The following TAF2 variants were observed in gnomAD, a reference collection of about 807,000 sequenced individuals.
The protein encoded by TAF2 is transcription initiation factor TFIID subunit 2.
In TAF2, 61 loss-of-function variants were observed where a neutral mutation model predicts 138.5. That is an observed-to-expected ratio of 0.44 (90% CI 0.36 to 0.54). The LOEUF is 0.54. TAF2 is among the 20% of genes least tolerant of loss of function. The pLI is 0.00. For missense variants in TAF2, 1,090 were observed against 1,427.9 expected (o/e 0.76, Z 3.81); for synonymous variants, 475 against 469.9 (o/e 1.01, Z -0.14).
intron 3 of TAF2, among the ~76,000 whole-genome samples, chr8:119,809,329 G>T (rs970369479): frequency 6.6e-6 from 1 of 152,188 alleles, no homozygotes; most frequent in African/African-American, 2.4e-5. Flanking sequence ...GAACTGAAGA[G>T]AGTTAAGCCT....
intron 7 of TAF2, among the ~76,000 whole-genome samples, chr8:119,797,423 G>A (rs1397786503): frequency 6.6e-6 from 1 of 151,554 alleles, no homozygotes; most frequent in African/African-American, 2.4e-5. Context: ...ACTAAAACAG[G>A]GAAAATACTA....
In TAF2 at chr8:119,825,679, T is replaced by G. The variant is rs561649997; in HGVS notation, c.138+5998A>C. On this transcript the variant is annotated intron_variant, in intron 2 of 25. Transcript: ENST00000378164. The stretch of plus-strand genomic sequence containing the variant: ...ATAGTCTCACGAGACCTGACGGTTT[T>G]TTTGTTTGTTTGTTTGTTTTTATGA... Among the ~76,000 whole-genome samples, 3 of 152,088 alleles carry G rather than the reference T, an allele frequency of 2.0e-5. No individual in the cohort carries two copies. The East Asian group carries it at 5.8e-4, about 30-fold the overall frequency.
At chr8:119,742,433 T>C (rs1310667826) in intron 25 of TAF2, 101 bp downstream of exon 25, 13 of 1,461,532 alleles carry the variant, frequency 8.9e-6, no homozygotes, top group Non-Finnish European at 1.2e-5. Context: ...TCCTAAGATC[T>C]GTATTTTTAA....
intron 25 of TAF2, among the ~76,000 whole-genome samples, chr8:119,740,180 A>G (rs1370348332): frequency 6.6e-6 from 1 of 152,074 alleles, no homozygotes; most frequent in African/African-American, 2.4e-5. Context: ...TTCACTGCCA[A>G]TTTGACTTGA....
At chr8:119,803,727 G>A in intron 5 of TAF2, 151 bp downstream of exon 5, 1 of 814,024 alleles carries the variant, frequency 1.2e-6, no homozygotes, top group Non-Finnish European at 1.8e-6. Context: ...TTTTTTAAGA[G>A]GAATGACTAA....
intron 25 of TAF2, among the ~76,000 whole-genome samples, chr8:119,735,960 C>T (rs1304244903): frequency 2.6e-5 from 4 of 152,156 alleles, no homozygotes; most frequent in African/African-American, 9.7e-5. Context: ...GACTTTGCAG[C>T]TTTCTTGTTG....
At chr8:119,795,749 AATT>A in intron 8 of TAF2, 118 bp from the exon 9 acceptor site, 1 of 949,276 alleles carries the variant, frequency 1.1e-6, no homozygotes, top group Non-Finnish European at 1.6e-6. Context: ...AGAAAATGAA[AATT>A]ATTAACAAAT....
chr8:119,747,731 A>G (rs1213041614), intron 22 of TAF2, among the ~76,000 whole-genome samples: 1 of 152,238 alleles, frequency 6.6e-6, no homozygotes, highest in South Asian at 2.1e-4. Context: ...TTTGTCAGCT[A>G]GGGTTACACA....
At chr8:119,767,960 G>C (rs1563849634) in intron 18 of TAF2, among the ~76,000 whole-genome samples, 1 of 152,112 alleles carries the variant, frequency 6.6e-6, no homozygotes, top group Non-Finnish European at 1.5e-5. Flanking sequence ...GGGAGAGAGG[G>C]GGAGGCTGAG....
chr8:119,755,541 G>C (rs181921411), intron 22 of TAF2, among the ~76,000 whole-genome samples: 7 of 152,126 alleles, frequency 4.6e-5, no homozygotes, highest in South Asian at 2.1e-4. Context: ...GAGATATCAT[G>C]ATCTCCACAG....
intron 10 of TAF2, 97 bp from the exon 11 acceptor site, chr8:119,791,556 CAGG>C (rs1823432976): frequency 5.0e-6 from 7 of 1,401,538 alleles, no homozygotes; most frequent in Non-Finnish European, 6.8e-6. Flanking sequence ...CAAAAAACCT[CAGG>C]AGAATATATA....
intron 22 of TAF2, among the ~76,000 whole-genome samples, chr8:119,748,032 G>A: frequency 6.6e-6 from 1 of 152,066 alleles, no homozygotes; most frequent in Non-Finnish European, 1.5e-5. Flanking sequence ...GGTGAGGCAG[G>A]AGAATCGCTT....
chr8:119,756,517 G>A (rs1291179421), intron 21 of TAF2, among the ~76,000 whole-genome samples: 1 of 152,038 alleles, frequency 6.6e-6, no homozygotes, highest in African/African-American at 2.4e-5. Flanking sequence ...TGGTCAGTAA[G>A]TATAAAAATC....
intron 20 of TAF2, among the ~76,000 whole-genome samples, chr8:119,760,275 T>C (rs1185292067): frequency 6.6e-6 from 1 of 152,186 alleles, no homozygotes; most frequent in Non-Finnish European, 1.5e-5. Flanking sequence ...CAAATTTTTA[T>C]ACAGGTGTGA....
intron 18 of TAF2, among the ~76,000 whole-genome samples, chr8:119,765,640 G>A (rs1439385658): frequency 1.3e-5 from 2 of 152,138 alleles, no homozygotes; most frequent in Admixed American, 1.3e-4. Context: ...GTCTTTGAAG[G>A]TTTTTAAGAA....
In TAF2 at chr8:119,798,331, T is replaced by A. The variant is rs148792298; in HGVS notation, c.793-485A>T. ...TTACACACCAAAGACTGCAGAAAAG[T>A]TTACTGGTAGTTAGGAGATTAAAAA... On this transcript the variant is annotated intron_variant, in intron 6 of 25. Transcript: ENST00000378164. 1.2e-4 allele frequency among the ~76,000 whole-genome samples: 19 copies of A among 152,344 alleles called. No individual in the cohort carries two copies. The East Asian group carries it at 3.5e-3, about 28-fold the overall frequency.
chr8:119,744,726 A>G, intron 23 of TAF2: 1 of 382,936 alleles, frequency 2.6e-6, no homozygotes, highest in Non-Finnish European at 5.0e-6. Context: ...TAAGTTAAAT[A>G]CTTGGTTCGA....
In TAF2 at chr8:119,789,705, A is replaced by G; in HGVS notation, c.1455T>C (p.Ser485=). The G allele has an allele frequency of 1.2e-5, 20 of 1,613,924 alleles. No homozygotes were observed. Among genetic ancestry groups the G allele is most frequent in the Non-Finnish European group, 1.7e-5 (20 of 1,179,942 alleles). ...KLLSLASTAS[S]QKFQSHMWSQ... ...TCCACATATGTGACTGGAACTTCTG[A>G]GATGAAGCAGTACTAGCCAGACTTA... The change falls in exon 12 of 26, where the codon TCT becomes TCC. Residue 485 remains serine (S), a synonymous_variant. Transcript: ENST00000378164.
chr8:119,754,471 T>G (rs369816153), intron 22 of TAF2, among the ~76,000 whole-genome samples: 1 of 152,036 alleles, frequency 6.6e-6, no homozygotes, highest in East Asian at 1.9e-4. Flanking sequence ...GATCACAAGG[T>G]CAGGAGTTCA....
Sources: gnomAD v4.1 joint callset for allele counts (sites outside exome capture counted in the v4.1 genomes callset) on GRCh38, gnomAD v4.1.1 for gene constraint, MANE v1.5 for transcripts, NCBI Gene and HGNC (gene_info 2026-07-23, HGNC 2026-07-21) for gene names.